The following BAIAP2 variants were observed in gnomAD, a reference collection of about 807,000 sequenced individuals.
The protein encoded by BAIAP2 is BAR/IMD domain-containing adapter protein 2.
Under a neutral mutation model 63.0 loss-of-function variants are expected in BAIAP2, and 18 were observed. The observed-to-expected ratio is 0.29, with a 90% CI of 0.20 to 0.42. The LOEUF (loss-of-function observed/expected upper bound fraction) is 0.42. Ranked by LOEUF, BAIAP2 falls within the 10% of genes least tolerant of loss-of-function variation. The pLI is 1.00. For missense variants in BAIAP2, 610 were observed against 734.3 expected (o/e 0.83, Z 1.96); for synonymous variants, 386 against 307.6 (o/e 1.25, Z -2.67).
At chr17:81,036,469 C>G (rs940908477) in intron 1 of BAIAP2, among the ~76,000 whole-genome samples, 2 of 152,250 alleles carry the variant, frequency 1.3e-5, no homozygotes, top group Admixed American at 6.5e-5. Context: ...GGGAAGCCCT[C>G]TTAGCTCTCA....
chr17:81,065,644 G>A (rs2051331904), intron 3 of BAIAP2, among the ~76,000 whole-genome samples: 1 of 152,214 alleles, frequency 6.6e-6, no homozygotes. Context: ...CTATGGCCCA[G>A]GCCCTCTCGC....
chr17:81,078,679 G>T (rs1427214152), intron 3 of BAIAP2, among the ~76,000 whole-genome samples: 3 of 151,916 alleles, frequency 2.0e-5, no homozygotes, highest in Admixed American at 1.3e-4. Flanking sequence ...TGCTGTCTCG[G>T]GTGGGAGCTG....
intron 13 of BAIAP2, chr17:81,110,036 G>A (rs2059715825): frequency 5.1e-6 from 5 of 985,492 alleles, no homozygotes; most frequent in Non-Finnish European, 6.0e-6. Context: ...CAAACACAGT[G>A]GACTCAGTGG....
chr17:81,094,158 C>T lies in BAIAP2; in HGVS notation c.490-5770C>T, dbSNP rs1313474360. On this transcript the variant is annotated intron_variant, in intron 6 of 13. Coordinates refer to ENST00000428708, the MANE Select transcript of BAIAP2 (RefSeq NM_001144888.2). ...CCCCAAGCCTCAGGGCTGGGCCACT[C>T]GAACATCTTAGCCCCCACTTCTCCT... is the stretch of plus-strand genomic sequence containing the variant. Among the ~76,000 whole-genome samples the T allele has an allele frequency of 4.6e-5, 7 of 152,150 alleles. No homozygotes were observed. In the East Asian group the frequency reaches 7.7e-4, roughly 17 times the overall value.
intron 1 of BAIAP2, among the ~76,000 whole-genome samples, chr17:81,036,551 G>A (rs956693071): frequency 6.6e-6 from 1 of 152,232 alleles, no homozygotes; most frequent in Non-Finnish European, 1.5e-5. Context: ...GGGGCCGATT[G>A]CACTTGAATA....
At chr17:81,073,394 G>T (rs1383899995) in intron 3 of BAIAP2, among the ~76,000 whole-genome samples, 3 of 152,138 alleles carry the variant, frequency 2.0e-5, no homozygotes, top group African/African-American at 7.2e-5. Context: ...GCTCAGCCAG[G>T]GCCGCCAGCC....
chr17:81,100,157 C>G, intron 7 of BAIAP2, 77 bp downstream of exon 7: 11 of 1,502,554 alleles, frequency 7.3e-6, no homozygotes, highest in Non-Finnish European at 8.9e-6. Context: ...GCCCCAGCCC[C>G]AGCCCCGTGA....
In BAIAP2 at chr17:81,057,973, A is replaced by ACAC. The variant is rs2049872248; in HGVS notation, c.217+7_217+8insACC. On this transcript the variant is annotated splice_region_variant and intron_variant, in intron 3 of 13. Coordinates refer to ENST00000428708, the MANE Select transcript of BAIAP2 (RefSeq NM_001144888.2). ...CCAGGGCTCCAAAGAACTCGGTGAGACCCCCCCCCCCCCCCCGCCTGGTAG... is the reference window on the plus strand; with the variant it reads ...CCAGGGCTCCAAAGAACTCGGTGAGACACCCCCCCCCCCCCCCCCGCCTGGTAG... 1.0e-5 allele frequency: 8 copies of ACAC among 765,812 alleles called. No individual in the cohort carries two copies. Among genetic ancestry groups the ACAC allele is most frequent in the East Asian group, 4.7e-5 (1 of 21,300 alleles). The allele number at this position is 765,812 out of a possible 1,614,324, so 47.4% of individuals were successfully genotyped here. A position where few individuals can be genotyped will look rare whatever the true frequency, so the allele number is the denominator to read the frequency against.
At chr17:81,074,667 C>T (rs62072985) in intron 3 of BAIAP2, among the ~76,000 whole-genome samples, 46,353 of 144,362 alleles carry the variant, frequency 0.32, 7,726 homozygotes, top group East Asian at 0.53. Flanking sequence ...TCTGCGTGCA[C>T]GGATGCGTAT....
At chr17:81,042,512 ATGG>A (rs948567004) in intron 1 of BAIAP2, among the ~76,000 whole-genome samples, 3 of 151,668 alleles carry the variant, frequency 2.0e-5, no homozygotes, top group Non-Finnish European at 4.4e-5. Context: ...CCTTCTTCGG[ATGG>A]TCCTTATGTG....
intron 8 of BAIAP2, 39 bp from the exon 9 acceptor site, chr17:81,103,868 G>A (rs1401836796): frequency 8.1e-6 from 13 of 1,608,684 alleles, no homozygotes; most frequent in Non-Finnish European, 1.1e-5. Context: ...TGCCCGGGGT[G>A]GGCTCCAGCA....
chr17:81,055,173 C>T (rs568162095), intron 2 of BAIAP2, among the ~76,000 whole-genome samples: 3 of 152,318 alleles, frequency 2.0e-5, no homozygotes, highest in Admixed American at 1.3e-4. Flanking sequence ...AAGGACGGGG[C>T]AGGAGTTGGT....
intron 3 of BAIAP2, among the ~76,000 whole-genome samples, chr17:81,071,617 C>G (rs1357954674): frequency 6.6e-6 from 1 of 152,246 alleles, no homozygotes; most frequent in Non-Finnish European, 1.5e-5. Context: ...TTTCTGTGCC[C>G]TCAGTGTCCA....
intron 3 of BAIAP2, among the ~76,000 whole-genome samples, chr17:81,059,090 G>T (rs991621152): frequency 3.9e-5 from 6 of 152,106 alleles, no homozygotes; most frequent in African/African-American, 1.4e-4. Flanking sequence ...CCTGCCGGCC[G>T]CACTTCGCAG....
Position 81,103,506 on chromosome 17 carries a change from A to G in BAIAP2, c.647A>G (p.Lys216Arg). 1 of 1,570,294 alleles carries G rather than the reference A, an allele frequency of 6.4e-7. No individual in the cohort carries two copies. The highest frequency in any genetic ancestry group is 8.6e-7 in the Non-Finnish European group (1 of 1,165,414). Residue 216 changes from lysine to arginine, a missense_variant, in exon 8 of 14, where the codon AAG (lysine) becomes AGG (arginine). Transcript: ENST00000428708. ...TTCCTGCTGCTTCCACTTCAGGGCAAGGAGCTGCTGGCGCAGAAGCTGCCG... is the reference window on the plus strand; with the variant it reads ...TTCCTGCTGCTTCCACTTCAGGGCAGGGAGCTGCTGGCGCAGAAGCTGCCG... ...KNSAAYHSKG[K>R]ELLAQKLPLW...
At chr17:81,035,496 C>T (rs1232184582) in intron 1 of BAIAP2, among the ~76,000 whole-genome samples, 188 bp downstream of exon 1, 1 of 148,698 alleles carries the variant, frequency 6.7e-6, no homozygotes, top group Non-Finnish European at 1.5e-5. Flanking sequence ...CGGCGCCGGC[C>T]GCTCACAGGT....
chr17:81,062,052 C>T (rs534438112), intron 3 of BAIAP2, among the ~76,000 whole-genome samples: 28 of 152,288 alleles, frequency 1.8e-4, no homozygotes, highest in African/African-American at 6.7e-4. Context: ...ATGCGAGTCT[C>T]CTGCCTCAGC....
chr17:81,108,583 C>T (rs2059456478), intron 13 of BAIAP2, 74 bp downstream of exon 13: 1 of 1,570,388 alleles, frequency 6.4e-7, no homozygotes, highest in Non-Finnish European at 8.8e-7. Context: ...GGTCCCTCTG[C>T]TAGGACCTGG....
chr17:81,091,405 G>A (rs986291893), intron 6 of BAIAP2, among the ~76,000 whole-genome samples: 1 of 152,122 alleles, frequency 6.6e-6, no homozygotes, highest in Non-Finnish European at 1.5e-5. Flanking sequence ...CTACAGACCA[G>A]CCCAGCAGCT....
Sources: gnomAD v4.1 joint callset for allele counts (sites outside exome capture counted in the v4.1 genomes callset) on GRCh38, gnomAD v4.1.1 for gene constraint, MANE v1.5 for transcripts, NCBI Gene and HGNC (gene_info 2026-07-23, HGNC 2026-07-21) for gene names.